HERC3: variants seen among roughly 807,000 people sequenced by gnomAD.
HERC3 encodes probable E3 ubiquitin-protein ligase HERC3.
In HERC3, 58 loss-of-function variants were observed where a neutral mutation model predicts 129.9. The observed-to-expected ratio is 0.45, with a 90% CI of 0.36 to 0.56. The LOEUF (loss-of-function observed/expected upper bound fraction) is 0.56, where lower values mean the gene tolerates loss of function less well. Ranked by LOEUF, HERC3 falls within the 20% of genes least tolerant of loss-of-function variation. HERC3 has a pLI of 0.00. For synonymous variants in HERC3, 430 were observed against 451.0 expected, an observed-to-expected ratio of 0.95 and a Z score of 0.59; for missense variants, 835 against 1,244.2, an observed-to-expected ratio of 0.67 and a Z score of 4.95.
the HERC3 span, among the ~76,000 whole-genome samples, chr4:88,577,064 TA>T: frequency 6.6e-6 from 1 of 152,308 alleles, no homozygotes; most frequent in East Asian, 1.9e-4. Context: ...TTGGTAGAGT[TA>T]AAGGACACTA....
At chr4:88,683,748 T>C (rs569021172) in intron 21 of HERC3, among the ~76,000 whole-genome samples, 14 of 152,356 alleles carry the variant, frequency 9.2e-5, no homozygotes, top group African/African-American at 3.4e-4. Flanking sequence ...AGTACTTTTT[T>C]TCATTATTCT....
the HERC3 span, among the ~76,000 whole-genome samples, chr4:88,579,268 G>A: frequency 2.0e-5 from 3 of 149,028 alleles, no homozygotes; most frequent in Non-Finnish European, 4.4e-5. Flanking sequence ...TTAGCCAGGT[G>A]TGGTGGCACA....
At chr4:88,669,136 G>C (rs911320384) in intron 14 of HERC3, among the ~76,000 whole-genome samples, 2 of 152,136 alleles carry the variant, frequency 1.3e-5, no homozygotes, top group Admixed American at 6.6e-5. Context: ...CCCCAAAGTA[G>C]AGAGTATGCT....
chr4:88,565,432 T>C, the HERC3 span, among the ~76,000 whole-genome samples: 2 of 152,176 alleles, frequency 1.3e-5, no homozygotes, highest in Non-Finnish European at 2.9e-5. Flanking sequence ...TGGGTGTATG[T>C]ATATTTACAA....
chr4:88,635,782 C>T (rs1193590029), intron 3 of HERC3, among the ~76,000 whole-genome samples: 6 of 152,090 alleles, frequency 3.9e-5, no homozygotes, highest in Non-Finnish European at 8.8e-5. Context: ...GGAAGCCCAC[C>T]AGACTAACAG....
chr4:88,628,266 T>G (rs1726350367), intron 3 of HERC3, among the ~76,000 whole-genome samples: 1 of 152,248 alleles, frequency 6.6e-6, no homozygotes, highest in African/African-American at 2.4e-5. Flanking sequence ...TCGGTGTTAA[T>G]GAGTTGATCC....
At chr4:88,654,219 T>C in intron 7 of HERC3, 86 bp downstream of exon 7, 2 of 905,638 alleles carry the variant, frequency 2.2e-6, no homozygotes, top group Non-Finnish European at 3.6e-6. Flanking sequence ...AGTGATGGTG[T>C]GTGATTACAG....
At chr4:88,578,028 A>G in the HERC3 span, among the ~76,000 whole-genome samples, 1 of 152,216 alleles carries the variant, frequency 6.6e-6, no homozygotes, top group African/African-American at 2.4e-5. Context: ...CTGTTTGCCA[A>G]GCATTGTCTT....
In HERC3 at chr4:88,676,127, C is replaced by T; in HGVS notation, c.1912-91C>T. The T allele has an allele frequency of 4.3e-6, 4 of 936,292 alleles. 1 individual carries two copies. The highest frequency in any genetic ancestry group is 3.1e-5 in the South Asian group (2 of 65,504). 58.0% of individuals were successfully genotyped at this position (936,292 alleles called of 1,614,324 possible). On this transcript the variant is annotated intron_variant, in intron 16 of 25. Coordinates refer to ENST00000402738, the MANE Select transcript of HERC3 (RefSeq NM_014606.3). ...TCTATGGCCAGTAGTCAGATTGGTTCTGTGTTTTGTTATTTATATTTTACT... is the reference window on the plus strand; with the variant it reads ...TCTATGGCCAGTAGTCAGATTGGTTTTGTGTTTTGTTATTTATATTTTACT...
intron 23 of HERC3, chr4:88,697,163 C>T (rs375266145): frequency 6.2e-6 from 9 of 1,457,050 alleles, no homozygotes; most frequent in Middle Eastern, 1.9e-4. Flanking sequence ...CAAAACCAGG[C>T]TTTTTTCTTC....
intron 3 of HERC3, among the ~76,000 whole-genome samples, chr4:88,630,532 C>A (rs757370139): frequency 1.3e-5 from 2 of 152,034 alleles, no homozygotes; most frequent in African/African-American, 4.8e-5. Flanking sequence ...CCAAGCAGGC[C>A]GTGGTTGTAT....
the HERC3 span, among the ~76,000 whole-genome samples, chr4:88,556,807 T>C: frequency 8.5e-6 from 1 of 118,284 alleles, no homozygotes; most frequent in South Asian, 2.6e-4. Context: ...CGAAGCCCTT[T>C]CTATTTTTTT....
chr4:88,537,468 A>C, the HERC3 span, among the ~76,000 whole-genome samples: 2 of 152,232 alleles, frequency 1.3e-5, no homozygotes, highest in Admixed American at 6.5e-5. Flanking sequence ...AGGATACCAC[A>C]GAAGTAACAC....
chr4:88,680,907 G>T (rs1193122086), intron 20 of HERC3: 4 of 485,820 alleles, frequency 8.2e-6, no homozygotes, highest in Non-Finnish European at 1.1e-5. Flanking sequence ...TGAAAGTTCT[G>T]TTGGATGGCC....
At chr4:88,580,953 G>A in the HERC3 span, among the ~76,000 whole-genome samples, 1 of 152,156 alleles carries the variant, frequency 6.6e-6, no homozygotes, top group Non-Finnish European at 1.5e-5. Context: ...ATGAGTATAT[G>A]CATCATTTTC....
chr4:88,672,717 G>C (rs1731744156), intron 16 of HERC3, among the ~76,000 whole-genome samples: 1 of 152,192 alleles, frequency 6.6e-6, no homozygotes, highest in African/African-American at 2.4e-5. Context: ...TATAGGCCCA[G>C]CATCCTCTTT....
At chr4:88,542,693 A>C in the HERC3 span, among the ~76,000 whole-genome samples, 1 of 152,220 alleles carries the variant, frequency 6.6e-6, no homozygotes, top group African/African-American at 2.4e-5. Flanking sequence ...CCTCAATAAA[A>C]TACTGTGAAA....
chr4:88,679,234 T>A (rs1252490345), intron 19 of HERC3, among the ~76,000 whole-genome samples: 2 of 152,218 alleles, frequency 1.3e-5, no homozygotes, highest in Non-Finnish European at 2.9e-5. Context: ...TAGTTGTTAC[T>A]GTTGATAACC....
the HERC3 span, among the ~76,000 whole-genome samples, chr4:88,543,621 T>C: frequency 6.6e-6 from 1 of 152,122 alleles, no homozygotes; most frequent in Admixed American, 6.6e-5. Context: ...GAGCCTGCAT[T>C]GCCAAGTCAA....
Sources: gnomAD v4.1 joint callset for allele counts (sites outside exome capture counted in the v4.1 genomes callset) on GRCh38, gnomAD v4.1.1 for gene constraint, MANE v1.5 for transcripts, NCBI Gene and HGNC (gene_info 2026-07-23, HGNC 2026-07-21) for gene names.